CCSER1: variants seen among roughly 807,000 people sequenced by gnomAD.
CCSER1 encodes the protein serine-rich coiled-coil domain-containing protein 1.
A neutral mutation model predicts 82.0 loss-of-function variants in CCSER1; 41 were observed. The observed-to-expected ratio is 0.50, with a 90% CI of 0.39 to 0.65. CCSER1 has a LOEUF of 0.65. CCSER1 is among the 30% of genes least tolerant of loss of function. The probability of loss-of-function intolerance (pLI) is 0.00; values close to 1 mark genes in which losing one functional copy is unlikely to be tolerated. For missense variants in CCSER1, 1,119 were observed against 1,064.2 expected (o/e 1.05, Z -0.72); for synonymous variants, 414 against 383.9 (o/e 1.08, Z -0.92).
At chr4:90,802,336 T>C (rs1756944357) in intron 7 of CCSER1, among the ~76,000 whole-genome samples, 1 of 149,208 alleles carries the variant, frequency 6.7e-6, no homozygotes, top group Non-Finnish European at 1.5e-5. Flanking sequence ...ATTTTACCTC[T>C]AGTAAATGTA....
chr4:90,686,896 T>G (rs1734902825), intron 6 of CCSER1, among the ~76,000 whole-genome samples: 1 of 152,188 alleles, frequency 6.6e-6, no homozygotes, highest in Non-Finnish European at 1.5e-5. Flanking sequence ...GGCATCAGGA[T>G]GCTTCTGTCA....
intron 10 of CCSER1, among the ~76,000 whole-genome samples, chr4:91,471,551 G>T (rs565863324): frequency 2.4e-4 from 37 of 152,174 alleles, no homozygotes; most frequent in African/African-American, 8.4e-4. Flanking sequence ...CCTGAGACAC[G>T]GTCTGCTTGT....
At chr4:91,122,997 T>C (rs1727219323) in intron 10 of CCSER1, among the ~76,000 whole-genome samples, 1 of 151,774 alleles carries the variant, frequency 6.6e-6, no homozygotes. Context: ...CAAATTTTCA[T>C]ATAGGGCAGA....
intron 10 of CCSER1, among the ~76,000 whole-genome samples, chr4:91,473,480 GTGTTTTAGAAGGACCA>G (rs1161318617): frequency 6.6e-6 from 1 of 152,136 alleles, no homozygotes. Flanking sequence ...AGTCACAGGG[GTGTTTTAGAAGGACCA>G]TGTTTTAGAA....
At chr4:91,326,508 G>A (rs922873411) in intron 10 of CCSER1, among the ~76,000 whole-genome samples, 3 of 152,130 alleles carry the variant, frequency 2.0e-5, no homozygotes, top group Non-Finnish European at 2.9e-5. Context: ...AACACTGGGG[G>A]ATAACAATTC....
chr4:90,978,730 C>T (rs1303127860), intron 9 of CCSER1, among the ~76,000 whole-genome samples: 2 of 151,542 alleles, frequency 1.3e-5, no homozygotes, highest in East Asian at 1.9e-4. Flanking sequence ...AGATGATGTT[C>T]CTTGGAAAAT....
chr4:91,030,887 TCTGTTAGA>T (rs773581633), intron 9 of CCSER1, among the ~76,000 whole-genome samples: 1 of 152,142 alleles, frequency 6.6e-6, no homozygotes, highest in Non-Finnish European at 1.5e-5. Flanking sequence ...CACACATTAC[TCTGTTAGA>T]CCTCTTTTGG....
At chr4:90,930,454 A>G (rs1265510284) in intron 9 of CCSER1, among the ~76,000 whole-genome samples, 2 of 151,810 alleles carry the variant, frequency 1.3e-5, no homozygotes, top group African/African-American at 4.8e-5. Context: ...TTAAAAAAAA[A>G]ATTAGCCAGG....
chr4:91,542,338 C>T (rs1761647202), intron 10 of CCSER1, among the ~76,000 whole-genome samples: 1 of 152,128 alleles, frequency 6.6e-6, no homozygotes, highest in Non-Finnish European at 1.5e-5. Context: ...CCTAGGTTTT[C>T]TTCCAGGGTT....
chr4:91,316,309 G>C (rs1745834264), intron 10 of CCSER1, among the ~76,000 whole-genome samples: 1 of 151,874 alleles, frequency 6.6e-6, no homozygotes, highest in Non-Finnish European at 1.5e-5. Flanking sequence ...AAAGAACATG[G>C]AACAATGCCT....
intron 5 of CCSER1, among the ~76,000 whole-genome samples, chr4:90,535,676 G>A (rs1177383598): frequency 1.3e-5 from 2 of 152,062 alleles, no homozygotes; most frequent in Non-Finnish European, 2.9e-5. Flanking sequence ...ATACATTAAT[G>A]ATAGAATACT....
chr4:91,508,163 T>G (rs1460992044), intron 10 of CCSER1, among the ~76,000 whole-genome samples: 3 of 30,346 alleles, frequency 9.9e-5, no homozygotes, highest in Non-Finnish European at 2.3e-4. Flanking sequence ...TTTTTCTGGG[T>G]TTTTTTTTTT....
intron 1 of CCSER1, among the ~76,000 whole-genome samples, chr4:90,136,893 T>C (rs1723793909): frequency 6.6e-6 from 1 of 152,244 alleles, no homozygotes; most frequent in Non-Finnish European, 1.5e-5. Context: ...AAATACTAGC[T>C]CTAAACAAGA....
Position 90,849,737 on chromosome 4 carries a change from C to T in CCSER1, c.2094+33892C>T, listed in dbSNP as rs185075942. ...CCAGGAGGCAGAGCTTGCAGTGAGCCGTGATCGTGCCACTGCACTCCAGCC... is the reference window on the plus strand; with the variant it reads ...CCAGGAGGCAGAGCTTGCAGTGAGCTGTGATCGTGCCACTGCACTCCAGCC... On this transcript the variant is annotated intron_variant, in intron 8 of 10. Transcript: ENST00000509176. 7.0e-3 allele frequency among the ~76,000 whole-genome samples: 1,047 copies of T among 149,366 alleles called. 8 individuals are homozygous for T. The highest frequency in any genetic ancestry group is 0.025 in the African/African-American group (1,001 of 40,226).
At chr4:91,458,002 T>TTATGTA (rs1756289313) in intron 10 of CCSER1, among the ~76,000 whole-genome samples, 1 of 152,180 alleles carries the variant, frequency 6.6e-6, no homozygotes, top group Admixed American at 6.5e-5. Flanking sequence ...CTTTATATAG[T>TTATGTA]TATGTATATT....
intron 5 of CCSER1, among the ~76,000 whole-genome samples, chr4:90,491,475 G>T (rs1768003128): frequency 6.6e-6 from 1 of 152,154 alleles, no homozygotes; most frequent in Non-Finnish European, 1.5e-5. Flanking sequence ...GGGACAATTT[G>T]ACTTCCTCTT....
intron 10 of CCSER1, among the ~76,000 whole-genome samples, chr4:91,391,016 A>C (rs1168744266): frequency 6.6e-6 from 1 of 151,902 alleles, no homozygotes; most frequent in Non-Finnish European, 1.5e-5. Flanking sequence ...GATCTTTTCA[A>C]GGATCATCTT....
chr4:91,550,675 T>A (rs1308226159), intron 10 of CCSER1, among the ~76,000 whole-genome samples: 1 of 152,208 alleles, frequency 6.6e-6, no homozygotes, highest in Non-Finnish European at 1.5e-5. Flanking sequence ...CTATACTATA[T>A]CATACCATAT....
At chr4:90,311,536 G>A (rs1227133147) in intron 2 of CCSER1, among the ~76,000 whole-genome samples, 2 of 152,188 alleles carry the variant, frequency 1.3e-5, no homozygotes, top group East Asian at 1.9e-4. Flanking sequence ...TAATTTTGAA[G>A]TTTAAAATTT....
Sources: allele counts gnomAD v4.1 joint callset (sites outside exome capture counted in the v4.1 genomes callset), GRCh38; gene constraint gnomAD v4.1.1; transcripts MANE v1.5; gene names NCBI Gene and HGNC (gene_info 2026-07-23, HGNC 2026-07-21).